Variants in INPP5A observed in about 807,000 individuals in gnomAD.
INPP5A encodes 43 kDa inositol polyphosphate 5-phophatase.
In INPP5A, 14 loss-of-function variants were observed where a neutral mutation model predicts 65.2. That is an observed-to-expected ratio of 0.21 (90% CI 0.14 to 0.34). INPP5A has a LOEUF of 0.34. Ranked by LOEUF, INPP5A falls within the 10% of genes least tolerant of loss-of-function variation. The pLI, the probability that INPP5A is intolerant of heterozygous loss-of-function variation, is 1.00. For synonymous variants in INPP5A, 207 were observed against 208.3 expected, an observed-to-expected ratio of 0.99 and a Z score of 0.05; for missense variants, 431 against 545.6, an observed-to-expected ratio of 0.79 and a Z score of 2.09.
rs1478790544 is a variant in INPP5A at position 132,636,162 on chromosome 10, A to AGT, written c.118-9706_118-9705insGT. ...AAAAAATGCTTTATTGGATAAACAA[A>AGT]ATGTGTGTGTGTGTGTGTGTGTGTG... On this transcript the variant is annotated intron_variant, in intron 2 of 15. Coordinates refer to ENST00000368594, the MANE Select transcript of INPP5A (RefSeq NM_005539.5). Among the ~76,000 whole-genome samples, 5 of 42,268 alleles carry AGT rather than the reference A, an allele frequency of 1.2e-4. 1 individual carries two copies. The Admixed American group carries it at 1.6e-3, about 13-fold the overall frequency. 27.7% of individuals were successfully genotyped at this position (42,268 alleles called of 152,430 possible).
rs116299673 is a variant in INPP5A, at chr10:132,538,572, A to T, written c.75+401A>T. Among the ~76,000 whole-genome samples, 726 of 151,832 alleles carry T rather than the reference A, an allele frequency of 4.8e-3. 2 individuals carry two copies. Among genetic ancestry groups the T allele is most frequent in the African/African-American group, 0.017 (684 of 41,360 alleles). ...CAGAAACCGGGTCTGTGCGCACCAA[A>T]CCCAGCCCCAGCCCTGATTTCCGAA... On this transcript the variant is annotated intron_variant, in intron 1 of 15. Transcript: ENST00000368594. This position sits in a 1 kb window ranked among gnomAD's most constrained non-coding sequence, Gnocchi z 4.1.
Position 132,678,422 on chromosome 10 carries a change from A to C in INPP5A, c.307-11970A>C, listed in dbSNP as rs1010128356. 1.3e-5 allele frequency among the ~76,000 whole-genome samples: 2 copies of C among 152,248 alleles called. No homozygotes were observed. The highest frequency in any genetic ancestry group is 4.8e-5 in the African/African-American group (2 of 41,472). Reference sequence around the variant, plus strand: ...TCAATCTGTTAAATTGTTTCAAAACAAGGTGTCTTGGGACTTGCCTTTGTG... The same window carrying C: ...TCAATCTGTTAAATTGTTTCAAAACCAGGTGTCTTGGGACTTGCCTTTGTG... On this transcript the variant is annotated intron_variant, in intron 4 of 15. Transcript: ENST00000368594. This position sits in a 1 kb window ranked among gnomAD's most constrained non-coding sequence, Gnocchi z 4.1.
chr10:132,620,616 G>A (rs2072095792), intron 2 of INPP5A, among the ~76,000 whole-genome samples: 1 of 152,072 alleles, frequency 6.6e-6, no homozygotes, highest in Admixed American at 6.5e-5. Context: ...TATAATTTAT[G>A]CCAATAAACT....
intron 1 of INPP5A, among the ~76,000 whole-genome samples, chr10:132,606,747 C>T (rs2071859126): frequency 6.6e-6 from 1 of 152,162 alleles, no homozygotes; most frequent in Non-Finnish European, 1.5e-5. Context: ...ACGCCTTGGC[C>T]CCATGCCCAC....
chr10:132,563,006 C>T (rs1301186279), intron 1 of INPP5A, among the ~76,000 whole-genome samples: 6 of 152,140 alleles, frequency 3.9e-5, no homozygotes, highest in Non-Finnish European at 7.4e-5. Flanking sequence ...GTGGGGAGGG[C>T]GCGGGGAGGA....
chr10:132,628,052 G>A (rs1228389590), intron 2 of INPP5A, among the ~76,000 whole-genome samples: 3 of 152,214 alleles, frequency 2.0e-5, no homozygotes, highest in Non-Finnish European at 4.4e-5. Flanking sequence ...TCTACTCTTG[G>A]TGAAGAGCAA....
intron 5 of INPP5A, among the ~76,000 whole-genome samples, chr10:132,692,617 TC>T (rs1170989954): frequency 3.9e-5 from 6 of 152,222 alleles, no homozygotes; most frequent in African/African-American, 1.4e-4. Context: ...TTGGACCTTT[TC>T]CCAGGAACCA....
chr10:132,578,836 TG>T (rs1414870309), intron 1 of INPP5A, among the ~76,000 whole-genome samples: 5 of 152,094 alleles, frequency 3.3e-5, no homozygotes, highest in Non-Finnish European at 7.4e-5. Context: ...GCATGGTGGC[TG>T]GAGGGGGTGC....
intron 1 of INPP5A, among the ~76,000 whole-genome samples, chr10:132,601,164 A>G (rs768258553): frequency 6.6e-6 from 1 of 152,176 alleles, no homozygotes; most frequent in African/African-American, 2.4e-5. Flanking sequence ...TTTCAATTTT[A>G]ATGTTTTGTA....
chr10:132,585,065 C>T (rs1464076623), intron 1 of INPP5A, among the ~76,000 whole-genome samples: 3 of 152,116 alleles, frequency 2.0e-5, no homozygotes, highest in Non-Finnish European at 2.9e-5. Flanking sequence ...TCTAGAAGGT[C>T]GCAGTTTTAA....
chr10:132,740,798 G>T (rs541892716), intron 9 of INPP5A, among the ~76,000 whole-genome samples: 1 of 152,160 alleles, frequency 6.6e-6, no homozygotes, highest in South Asian at 2.1e-4. Context: ...CGTGCCTTTG[G>T]TCAGTTTTCC....
At chr10:132,628,264 C>T (rs1440244767) in intron 2 of INPP5A, among the ~76,000 whole-genome samples, 2 of 152,186 alleles carry the variant, frequency 1.3e-5, no homozygotes, top group Non-Finnish European at 1.5e-5. Context: ...ATGGGAGGCT[C>T]CCCTTTCTGG....
At chr10:132,699,327 CT>C (rs1297204586) in intron 6 of INPP5A, among the ~76,000 whole-genome samples, 1 of 140,598 alleles carries the variant, frequency 7.1e-6, no homozygotes, top group Non-Finnish European at 1.5e-5. Context: ...CAGAGACCGA[CT>C]CAGGGCCCTT....
chr10:132,650,556 AG>A lies in INPP5A; in HGVS notation c.306+52del. ...AGGGGTCAGACAGGCTGGCCTTGGCAGAAGCCAGCCCTTCTCCTGTGTAAAT... is the reference window on the plus strand; with the variant it reads ...AGGGGTCAGACAGGCTGGCCTTGGCAAAGCCAGCCCTTCTCCTGTGTAAAT... On this transcript the variant is annotated intron_variant, in intron 4 of 15. Coordinates refer to ENST00000368594, the MANE Select transcript of INPP5A (RefSeq NM_005539.5). This position sits in a 1 kb window ranked among gnomAD's most constrained non-coding sequence, Gnocchi z 5.5. 6 of 1,309,124 alleles carry A rather than the reference AG, an allele frequency of 4.6e-6. No individual in the cohort carries two copies. Among genetic ancestry groups the A allele is most frequent in the Non-Finnish European group, 6.6e-6 (6 of 907,050 alleles). 81.1% of individuals were successfully genotyped at this position (1,309,124 alleles called of 1,614,324 possible). A position where few individuals can be genotyped will look rare whatever the true frequency, so the allele number is the denominator to read the frequency against.
At chr10:132,558,280 C>A (rs534182377) in intron 1 of INPP5A, among the ~76,000 whole-genome samples, 1 of 152,148 alleles carries the variant, frequency 6.6e-6, no homozygotes, top group Non-Finnish European at 1.5e-5. Flanking sequence ...CCCCGGCCCA[C>A]GCGCTGAGCA....
chr10:132,623,979 C>G (rs985821957), intron 2 of INPP5A, among the ~76,000 whole-genome samples: 1 of 152,108 alleles, frequency 6.6e-6, no homozygotes, highest in Non-Finnish European at 1.5e-5. Flanking sequence ...GGCTAAAATT[C>G]AATTGGCTGT....
intron 4 of INPP5A, among the ~76,000 whole-genome samples, chr10:132,689,487 G>A (rs995424386): frequency 2.6e-5 from 4 of 152,238 alleles, no homozygotes; most frequent in African/African-American, 9.6e-5. Flanking sequence ...TGTATAGATG[G>A]TGAGATTCGC....
chr10:132,734,489 G>C lies in INPP5A; in HGVS notation c.732+7584G>C, dbSNP rs920970233. ...AGAGTGCGGATTCGCAGCGTTTCCA[G>C]CTGCTCAGCTGAGCAGGTTCTTTTT... is the stretch of plus-strand genomic sequence containing the variant. On this transcript the variant is annotated intron_variant, in intron 9 of 15. Transcript: ENST00000368594. Among the ~76,000 whole-genome samples the C allele has an allele frequency of 2.0e-5, 3 of 152,370 alleles. No individual in the cohort carries two copies. The East Asian group carries it at 5.8e-4, about 29-fold the overall frequency.
chr10:132,628,124 T>C (rs2072212783), intron 2 of INPP5A, among the ~76,000 whole-genome samples: 1 of 152,224 alleles, frequency 6.6e-6, no homozygotes, highest in Admixed American at 6.5e-5. Context: ...GCAGACCTCC[T>C]GCCAGTGGTC....
Sources: allele counts gnomAD v4.1 joint callset (sites outside exome capture counted in the v4.1 genomes callset), GRCh38; gene constraint gnomAD v4.1.1; non-coding constraint Gnocchi (gnomAD v3.1); transcripts MANE v1.5; gene names NCBI Gene and HGNC (gene_info 2026-07-23, HGNC 2026-07-21).